The following NRG3 variants were observed in gnomAD, a reference collection of about 807,000 sequenced individuals.
NRG3 encodes the protein pro-neuregulin-3, membrane-bound isoform.
Under a neutral mutation model 66.9 loss-of-function variants are expected in NRG3, and 31 were observed. The ratio of observed to expected loss-of-function variants is 0.46; its 90% confidence interval spans 0.35 to 0.63. NRG3 has a LOEUF of 0.63. NRG3 is among the 20% of genes least tolerant of loss of function. The probability of loss-of-function intolerance (pLI) is 0.00; values close to 1 mark genes in which losing one functional copy is unlikely to be tolerated. For synonymous variants in NRG3, 393 were observed against 359.4 expected (o/e 1.09, Z -1.06); for missense variants, 910 against 878.9 (o/e 1.04, Z -0.45).
chr10:82,346,437 CT>C (rs2083028344), intron 1 of NRG3, among the ~76,000 whole-genome samples: 1 of 142,038 alleles, frequency 7.0e-6, no homozygotes, highest in African/African-American at 2.8e-5. Flanking sequence ...GGTGGATAAG[CT>C]TTTTGATGTG....
chr10:82,776,208 G>A, intron 3 of NRG3, among the ~76,000 whole-genome samples: 1 of 152,042 alleles, frequency 6.6e-6, no homozygotes, highest in East Asian at 1.9e-4. Flanking sequence ...TACCATTTTA[G>A]GTTGGCAGTT....
At chr10:82,110,863 G>T (rs536032738) in intron 1 of NRG3, among the ~76,000 whole-genome samples, 111 of 152,116 alleles carry the variant, frequency 7.3e-4, no homozygotes, top group African/African-American at 2.6e-3. Context: ...GAAGTCATCA[G>T]AATATAGTTG....
At chr10:82,028,277 AAAAAC>A (rs1003798990) in intron 1 of NRG3, among the ~76,000 whole-genome samples, 4 of 152,074 alleles carry the variant, frequency 2.6e-5, no homozygotes, top group African/African-American at 7.2e-5. Flanking sequence ...CATAGGAGGA[AAAAAC>A]AAAACAAAAC....
chr10:82,157,166 TTTTC>T (rs1218646130), intron 1 of NRG3, among the ~76,000 whole-genome samples: 1 of 151,746 alleles, frequency 6.6e-6, no homozygotes, highest in African/African-American at 2.4e-5. Flanking sequence ...ATGAAGTATA[TTTTC>T]TTATTGCAAT....
chr10:82,715,354 G>A (rs981057260), intron 2 of NRG3, among the ~76,000 whole-genome samples: 9 of 152,074 alleles, frequency 5.9e-5, no homozygotes, highest in East Asian at 1.9e-4. Flanking sequence ...CTGAGATCTC[G>A]CCACTGCACT....
chr10:82,131,459 G>T (rs2068811114), intron 1 of NRG3, among the ~76,000 whole-genome samples: 1 of 152,080 alleles, frequency 6.6e-6, no homozygotes, highest in Non-Finnish European at 1.5e-5. Context: ...ATACTTTGAG[G>T]TCAAGTAATG....
At chr10:82,522,620 C>T (rs1389827024) in intron 2 of NRG3, among the ~76,000 whole-genome samples, 1 of 151,766 alleles carries the variant, frequency 6.6e-6, no homozygotes, top group Non-Finnish European at 1.5e-5. Flanking sequence ...GTGCTCAATA[C>T]TTGGTTGCCA....
intron 4 of NRG3, among the ~76,000 whole-genome samples, chr10:82,908,172 G>A (rs1844942051): frequency 6.6e-6 from 1 of 152,160 alleles, no homozygotes; most frequent in African/African-American, 2.4e-5. Flanking sequence ...CCTTTGCAAG[G>A]CCAGAAGCAA....
chr10:82,280,722 C>G (rs1031561274), intron 1 of NRG3, among the ~76,000 whole-genome samples: 1 of 152,188 alleles, frequency 6.6e-6, no homozygotes, highest in African/African-American at 2.4e-5. Flanking sequence ...CTCACTCATC[C>G]TGCATATCCT....
In NRG3 at chr10:81,881,716, A is replaced by G. The variant is rs117040489; in HGVS notation, c.823+5553A>G. ...AATTAAAATAAAACTTTTAATCACT[A>G]CAACATTCAGCCTCCCATGTCTTGA... On this transcript the variant is annotated intron_variant, in intron 1 of 8. Coordinates refer to ENST00000372141, the MANE Select transcript of NRG3 (RefSeq NM_001010848.4). 4.3e-4 allele frequency among the ~76,000 whole-genome samples: 66 copies of G among 152,334 alleles called. No homozygotes were observed. In the East Asian group the frequency reaches 7.1e-3, roughly 16 times the overall value.
chr10:82,242,622 A>G (rs937712725), intron 1 of NRG3, among the ~76,000 whole-genome samples: 1 of 152,198 alleles, frequency 6.6e-6, no homozygotes, highest in Non-Finnish European at 1.5e-5. Context: ...AGGTTTGCAT[A>G]TTCAAAATTG....
intron 1 of NRG3, among the ~76,000 whole-genome samples, chr10:82,171,316 C>G (rs2072588407): frequency 6.6e-6 from 1 of 152,004 alleles, no homozygotes; most frequent in Admixed American, 6.6e-5. Context: ...TCTCTTTGCC[C>G]AGCAGCCCTA....
At chr10:82,732,548 G>T (rs576807009) in intron 2 of NRG3, among the ~76,000 whole-genome samples, 1 of 152,114 alleles carries the variant, frequency 6.6e-6, no homozygotes, top group African/African-American at 2.4e-5. Context: ...TGTGGTTTTG[G>T]GGTAATATAC....
intron 1 of NRG3, among the ~76,000 whole-genome samples, chr10:82,089,531 C>T (rs2065911530): frequency 6.6e-6 from 1 of 152,146 alleles, no homozygotes; most frequent in Admixed American, 6.5e-5. Flanking sequence ...GCCTAATTCC[C>T]AGCTCTTAGA....
chr10:82,670,024 A>G (rs1382843500), intron 2 of NRG3, among the ~76,000 whole-genome samples: 3 of 152,170 alleles, frequency 2.0e-5, no homozygotes, highest in Non-Finnish European at 4.4e-5. Flanking sequence ...TACTTTACTG[A>G]GAATCATTTT....
At chr10:82,354,598 G>T (rs568797584) in intron 1 of NRG3, among the ~76,000 whole-genome samples, 3 of 151,940 alleles carry the variant, frequency 2.0e-5, no homozygotes, top group African/African-American at 7.3e-5. Flanking sequence ...CACCATGTTG[G>T]CCAGGCTGGT....
At chr10:82,551,517 G>A (rs1375226908) in intron 2 of NRG3, among the ~76,000 whole-genome samples, 3 of 151,600 alleles carry the variant, frequency 2.0e-5, no homozygotes, top group Non-Finnish European at 4.4e-5. Context: ...TCCTTTTTGT[G>A]ATTTTTTTCC....
intron 1 of NRG3, among the ~76,000 whole-genome samples, chr10:82,108,260 A>G (rs1465180052): frequency 1.3e-5 from 2 of 152,224 alleles, no homozygotes; most frequent in Non-Finnish European, 1.5e-5. Flanking sequence ...GGACACAGAC[A>G]GGGGTATTTT....
chr10:82,034,103 T>C (rs1032629346), intron 1 of NRG3, among the ~76,000 whole-genome samples: 2 of 152,174 alleles, frequency 1.3e-5, no homozygotes, highest in African/African-American at 4.8e-5. Flanking sequence ...TCCTTCTCTT[T>C]ACTTCCTTCC....
Sources: allele counts gnomAD v4.1 joint callset (sites outside exome capture counted in the v4.1 genomes callset), GRCh38; gene constraint gnomAD v4.1.1; transcripts MANE v1.5; gene names NCBI Gene and HGNC (gene_info 2026-07-23, HGNC 2026-07-21).